Variants in SLIT3 observed in about 807,000 individuals in gnomAD.
SLIT3 encodes slit guidance ligand 3, also known as slit homolog 3 protein.
Under a neutral mutation model 184.0 loss-of-function variants are expected in SLIT3, and 68 were observed. That is an observed-to-expected ratio of 0.37 (90% confidence interval 0.30 to 0.45). SLIT3 has a LOEUF of 0.45. Ranked by LOEUF, SLIT3 falls within the 20% of genes least tolerant of loss-of-function variation. The pLI, the probability that SLIT3 is intolerant of heterozygous loss-of-function variation, is 1.00. For synonymous variants in SLIT3, 831 were observed against 828.6 expected (o/e 1.00, Z -0.05); for missense variants, 1,707 against 2,026.0 (o/e 0.84, Z 3.02).
At chr5:169,179,662 G>T (rs1763093028) in intron 4 of SLIT3, among the ~76,000 whole-genome samples, 1 of 151,552 alleles carries the variant, frequency 6.6e-6, no homozygotes, top group Non-Finnish European at 1.5e-5. Flanking sequence ...TCATTTGTGT[G>T]TGCTTGTGTG....
chr5:168,916,615 G>A (rs751646817), intron 4 of SLIT3, among the ~76,000 whole-genome samples: 1 of 152,214 alleles, frequency 6.6e-6, no homozygotes, highest in East Asian at 1.9e-4. Context: ...TTGCCCAGAG[G>A]ATTATTTCTT....
At chr5:169,035,647 GA>G (rs201819555) in intron 4 of SLIT3, among the ~76,000 whole-genome samples, 7,019 of 103,538 alleles carry the variant, frequency 0.068, 258 homozygotes, top group Admixed American at 0.14. Context: ...ACTGCATCTG[GA>G]AAAAAAAAAA....
intron 4 of SLIT3, among the ~76,000 whole-genome samples, chr5:168,903,685 G>A (rs1169469533): frequency 3.9e-5 from 6 of 152,128 alleles, no homozygotes; most frequent in Non-Finnish European, 7.3e-5. Flanking sequence ...CCCTCCTGGA[G>A]GGCCTTGCCC....
chr5:169,277,253 C>A (rs1766840523), intron 1 of SLIT3, among the ~76,000 whole-genome samples: 2 of 151,974 alleles, frequency 1.3e-5, no homozygotes, highest in Non-Finnish European at 2.9e-5. Flanking sequence ...TTTTTTGAGA[C>A]AGGGTCTTGC....
At chr5:169,111,118 C>G (rs1464107241) in intron 4 of SLIT3, among the ~76,000 whole-genome samples, 1 of 152,200 alleles carries the variant, frequency 6.6e-6, no homozygotes, top group Non-Finnish European at 1.5e-5. Context: ...CACCTCGTCT[C>G]TACCTGTTCA....
chr5:169,005,790 TGCCTTTGGCACTCTGC>T (rs1755899483), intron 4 of SLIT3, among the ~76,000 whole-genome samples: 1 of 152,214 alleles, frequency 6.6e-6, no homozygotes, highest in African/African-American at 2.4e-5. Context: ...TGAGTACTTG[TGCCTTTGGCACTCTGC>T]GCCTTTGGAG....
Position 168,907,358 on chromosome 5 carries a change from C to T in SLIT3, c.414-24022G>A, listed in dbSNP as rs184578426. Among the ~76,000 whole-genome samples, 317 of 152,292 alleles carry T rather than the reference C, an allele frequency of 2.1e-3. 3 individuals are homozygous for T. Among genetic ancestry groups the T allele is most frequent in the African/African-American group, 7.3e-3 (303 of 41,562 alleles). ...CTAATTCCTTTCTATCCTTTTTCCT[C>T]TTCCACGTTGCTGGTTGATTGGTTG... On this transcript the variant is annotated intron_variant, in intron 4 of 35. Coordinates refer to ENST00000519560, the MANE Select transcript of SLIT3 (RefSeq NM_003062.4).
chr5:169,250,600 G>C (rs1324753278), intron 2 of SLIT3, among the ~76,000 whole-genome samples: 1 of 152,170 alleles, frequency 6.6e-6, no homozygotes, highest in Non-Finnish European at 1.5e-5. Context: ...CAAGACTTTA[G>C]CTGTCACTTC....
intron 10 of SLIT3, among the ~76,000 whole-genome samples, chr5:168,793,149 T>G (rs1055523387): frequency 3.3e-5 from 5 of 152,214 alleles, no homozygotes; most frequent in African/African-American, 1.2e-4. Flanking sequence ...TAGTTTGTAC[T>G]TGGAATGTTT....
chr5:168,934,028 A>G (rs999333862), intron 4 of SLIT3, among the ~76,000 whole-genome samples: 1 of 152,158 alleles, frequency 6.6e-6, no homozygotes, highest in African/African-American at 2.4e-5. Context: ...ACTCTGCTCT[A>G]ACAGGCCGTG....
chr5:169,027,685 G>A (rs567588584), intron 4 of SLIT3, among the ~76,000 whole-genome samples: 1 of 152,284 alleles, frequency 6.6e-6, no homozygotes, highest in African/African-American at 2.4e-5. Context: ...ATAAACAGAA[G>A]GCCGAGGCAG....
intron 4 of SLIT3, among the ~76,000 whole-genome samples, chr5:169,169,427 T>C (rs1237179916): frequency 6.6e-6 from 1 of 152,162 alleles, no homozygotes; most frequent in East Asian, 1.9e-4. Flanking sequence ...AAAACACACA[T>C]TTTTTTCTGA....
intron 4 of SLIT3, among the ~76,000 whole-genome samples, chr5:168,957,565 T>C (rs889274651): frequency 2.0e-5 from 3 of 152,220 alleles, no homozygotes; most frequent in Admixed American, 6.5e-5. Flanking sequence ...GTGACGCTGA[T>C]GCTGCTGGTT....
In SLIT3 at chr5:168,996,465, T is replaced by C. The variant is rs548391178; in HGVS notation, c.414-113129A>G. 1.1e-4 allele frequency among the ~76,000 whole-genome samples: 16 copies of C among 152,310 alleles called. No homozygotes were observed. The South Asian group carries it at 3.3e-3, about 32-fold the overall frequency. ...AAAATATTCTTCCCTAGGTACACTG[T>C]CCCCCTGCCCCAAACCTATGCAAAA... is the stretch of plus-strand genomic sequence containing the variant. On this transcript the variant is annotated intron_variant, in intron 4 of 35. Transcript: ENST00000519560.
chr5:169,263,559 GA>G, intron 1 of SLIT3: 1 of 441,624 alleles, frequency 2.3e-6, no homozygotes, highest in South Asian at 1.6e-5. Context: ...CCAGAAGTCT[GA>G]AAGGATGATT....
intron 4 of SLIT3, among the ~76,000 whole-genome samples, chr5:168,914,491 T>C (rs1231407386): frequency 6.6e-6 from 1 of 152,198 alleles, no homozygotes; most frequent in African/African-American, 2.4e-5. Context: ...TTCCACTAGC[T>C]GCTGCTGCCG....
At chr5:169,125,581 G>T (rs1761049992) in intron 4 of SLIT3, among the ~76,000 whole-genome samples, 2 of 152,132 alleles carry the variant, frequency 1.3e-5, no homozygotes, top group Admixed American at 1.3e-4. Context: ...CACCGTGAGG[G>T]AGGTCCCTGG....
intron 4 of SLIT3, among the ~76,000 whole-genome samples, chr5:169,184,626 C>T (rs549069918): frequency 2.8e-4 from 42 of 152,304 alleles, no homozygotes; most frequent in African/African-American, 6.3e-4. Context: ...TCAAATCCCC[C>T]GGTCCATTCC....
chr5:169,234,780 T>A (rs1765136462), intron 3 of SLIT3, among the ~76,000 whole-genome samples: 1 of 152,186 alleles, frequency 6.6e-6, no homozygotes, highest in Non-Finnish European at 1.5e-5. Context: ...TGAATGTTCA[T>A]AATAGGTAGT....
Sources: allele counts gnomAD v4.1 joint callset (sites outside exome capture counted in the v4.1 genomes callset), GRCh38; gene constraint gnomAD v4.1.1; transcripts MANE v1.5; gene names NCBI Gene and HGNC (gene_info 2026-07-23, HGNC 2026-07-21).